TTC28: variants seen among roughly 807,000 people sequenced by gnomAD.
The protein encoded by TTC28 is tetratricopeptide repeat domain 28.
Under a neutral mutation model 198.0 loss-of-function variants are expected in TTC28, and 61 were observed. The observed-to-expected ratio is 0.31, with a 90% CI of 0.25 to 0.38. TTC28 has a LOEUF of 0.38. TTC28 is among the 10% of genes least tolerant of loss of function. The pLI, the probability that TTC28 is intolerant of heterozygous loss-of-function variation, is 1.00. For synonymous variants in TTC28, 1,171 were observed against 1,297.8 expected (o/e 0.90, Z 2.10); for missense variants, 2,678 against 3,164.0 (o/e 0.85, Z 3.69).
chr22:28,206,282 GC>G (rs1484466545), intron 5 of TTC28, among the ~76,000 whole-genome samples: 1 of 152,050 alleles, frequency 6.6e-6, no homozygotes, highest in South Asian at 2.1e-4. Flanking sequence ...AAATGCTCTG[GC>G]CCCCTCAAAT....
chr22:28,517,570 GCCAGCGAACTT>G (rs913230073), intron 2 of TTC28, among the ~76,000 whole-genome samples: 3 of 152,146 alleles, frequency 2.0e-5, no homozygotes, highest in Non-Finnish European at 4.4e-5. Context: ...CAGAATTATG[GCCAGCGAACTT>G]CCAATTAATT....
At chr22:28,076,822 G>A (rs1227031147) in intron 12 of TTC28, among the ~76,000 whole-genome samples, 1 of 152,164 alleles carries the variant, frequency 6.6e-6, no homozygotes, top group Non-Finnish European at 1.5e-5. Flanking sequence ...CCAGGATCTT[G>A]AGAATAACAT....
At chr22:28,334,250 A>G (rs2095691526) in intron 2 of TTC28, among the ~76,000 whole-genome samples, 1 of 151,904 alleles carries the variant, frequency 6.6e-6, no homozygotes, top group Non-Finnish European at 1.5e-5. Flanking sequence ...CCAGTCTATC[A>G]TTGATGGACA....
chr22:28,479,642 G>A lies in TTC28; in HGVS notation c.381+149910C>T, dbSNP rs890697493. Among the ~76,000 whole-genome samples the A allele has an allele frequency of 2.0e-5, 3 of 152,136 alleles. No homozygotes were observed. The East Asian group carries it at 5.8e-4, about 29-fold the overall frequency. The stretch of plus-strand genomic sequence containing the variant: ...AATTAATTAATAAACATTTTCACGG[G>A]GCAGTAGATAACAGGTGACAATCAG... On this transcript the variant is annotated intron_variant, in intron 2 of 22. Coordinates refer to ENST00000397906, the MANE Select transcript of TTC28 (RefSeq NM_001145418.2).
Position 28,094,119 on chromosome 22 carries a change from C to G in TTC28, c.3893G>C (p.Ser1298Thr). 1 of 1,551,074 alleles carries G rather than the reference C, an allele frequency of 6.4e-7. No homozygotes were observed. The highest frequency in any genetic ancestry group is 8.7e-7 in the Non-Finnish European group (1 of 1,146,744). The change falls in exon 12 of 23, where the codon AGT becomes ACT. Residue 1298 changes from serine to threonine, a missense_variant. Around this residue, in one of 8 missense-constraint regions of TTC28, gnomAD observed 727 missense variants for 861.9 expected, o/e 0.84. Transcript: ENST00000397906. ...TGSALEQHIA[S>T]VREALGVESH... Reference sequence around the variant, plus strand: ...CTCCACCCCCAGGGCCTCCCGGACACTGGCAATGTGCTGCTCCAGGGCTGA... The same window carrying G: ...CTCCACCCCCAGGGCCTCCCGGACAGTGGCAATGTGCTGCTCCAGGGCTGA...
chr22:28,402,059 T>C (rs921099432), intron 2 of TTC28, among the ~76,000 whole-genome samples: 1 of 152,234 alleles, frequency 6.6e-6, no homozygotes, highest in African/African-American at 2.4e-5. Context: ...TACACTTAAA[T>C]ATGTACTCCC....
intron 2 of TTC28, among the ~76,000 whole-genome samples, chr22:28,387,921 T>C (rs1364226439): frequency 6.6e-6 from 1 of 152,246 alleles, no homozygotes; most frequent in East Asian, 1.9e-4. Flanking sequence ...TCCTTACCCA[T>C]GCCTATGTGC....
rs1937573201 is a variant in TTC28, at chr22:27,997,506, T to C, written c.5119+1034A>G. 1.3e-5 allele frequency: 2 copies of C among 152,218 alleles called. 1 individual carries two copies. The highest frequency in any genetic ancestry group is 4.1e-4 in the South Asian group (2 of 4,826). 9.4% of individuals were successfully genotyped at this position (152,218 alleles called of 1,614,324 possible). On this transcript the variant is annotated intron_variant, in intron 16 of 22. Transcript: ENST00000397906. ...CCTGGCAGAGGGACTGACCCACCTT[T>C]GGAAAATGACACCAGCAATATCAGG...
intron 5 of TTC28, among the ~76,000 whole-genome samples, chr22:28,259,498 A>G (rs1278416809): frequency 1.3e-5 from 2 of 152,000 alleles, no homozygotes; most frequent in African/African-American, 4.8e-5. Flanking sequence ...TAGCCCAGAA[A>G]TGCTCGGGTA....
intron 5 of TTC28, among the ~76,000 whole-genome samples, chr22:28,276,790 G>C (rs2044480830): frequency 6.6e-6 from 1 of 152,142 alleles, no homozygotes; most frequent in South Asian, 2.1e-4. Context: ...AAGTCTATGT[G>C]ATCTTAACTA....
At chr22:28,353,157 T>C (rs896983919) in intron 2 of TTC28, among the ~76,000 whole-genome samples, 33 of 152,212 alleles carry the variant, frequency 2.2e-4, no homozygotes, top group African/African-American at 7.7e-4. Flanking sequence ...TAGAATAAGA[T>C]GGTTCAAAAA....
intron 1 of TTC28, among the ~76,000 whole-genome samples, chr22:28,673,963 A>G (rs1403178140): frequency 6.6e-6 from 1 of 152,224 alleles, no homozygotes. Flanking sequence ...AATTTAATGA[A>G]AAAATATTGT....
intron 5 of TTC28, among the ~76,000 whole-genome samples, chr22:28,256,996 C>A (rs1052302405): frequency 6.6e-6 from 1 of 152,192 alleles, no homozygotes; most frequent in Non-Finnish European, 1.5e-5. Context: ...GCTATGATCA[C>A]ACCACTATAC....
chr22:28,129,890 A>G (rs548262081), intron 6 of TTC28, among the ~76,000 whole-genome samples: 11 of 152,266 alleles, frequency 7.2e-5, no homozygotes, highest in African/African-American at 2.2e-4. Context: ...GGTGAGGCCA[A>G]GGGAGAGTCT....
chr22:27,999,858 G>T (rs1937625022), intron 15 of TTC28: 1 of 152,244 alleles, frequency 6.6e-6, no homozygotes, highest in Admixed American at 6.5e-5. Flanking sequence ...TTTCCCCTAT[G>T]ATGACTTTTG....
chr22:28,342,349 A>G (rs985704154), intron 2 of TTC28, among the ~76,000 whole-genome samples: 20 of 152,332 alleles, frequency 1.3e-4, no homozygotes, highest in Non-Finnish European at 2.5e-4. Context: ...TTTCCACTGC[A>G]TTTAAGATTT....
At chr22:28,549,484 T>A (rs558056216) in intron 2 of TTC28, among the ~76,000 whole-genome samples, 3 of 152,206 alleles carry the variant, frequency 2.0e-5, no homozygotes, top group Admixed American at 2.0e-4. Context: ...TTAGTAAATG[T>A]CTACTGCTGC....
At chr22:28,153,549 T>C (rs904482656) in intron 6 of TTC28, among the ~76,000 whole-genome samples, 4 of 151,922 alleles carry the variant, frequency 2.6e-5, no homozygotes, top group Non-Finnish European at 5.9e-5. Context: ...AATATAAACA[T>C]GTGACACTGA....
intron 1 of TTC28, among the ~76,000 whole-genome samples, chr22:28,657,229 T>C (rs1169697718): frequency 1.5e-4 from 23 of 152,198 alleles, no homozygotes; most frequent in Non-Finnish European, 2.8e-4. Context: ...GAGTCCATGA[T>C]TTTGACCACT....
Sources: allele counts gnomAD v4.1 joint callset (sites outside exome capture counted in the v4.1 genomes callset), GRCh38; gene constraint gnomAD v4.1.1; regional missense constraint gnomAD v4.1.1; transcripts MANE v1.5; gene names NCBI Gene and HGNC (gene_info 2026-07-23, HGNC 2026-07-21).